MACROD2: variants seen among roughly 807,000 people sequenced by gnomAD.
MACROD2 encodes ADP-ribose glycohydrolase MACROD2.
In MACROD2, 36 loss-of-function variants were observed where a neutral mutation model predicts 70.4. The ratio of observed to expected loss-of-function variants is 0.51; its 90% CI spans 0.39 to 0.68. The LOEUF (loss-of-function observed/expected upper bound fraction) is 0.68. MACROD2 is among the 30% of genes least tolerant of loss of function. The probability of loss-of-function intolerance (pLI) is 0.00; values close to 1 mark genes in which losing one functional copy is unlikely to be tolerated. For synonymous variants in MACROD2, 172 were observed against 178.8 expected (o/e 0.96, Z 0.30); for missense variants, 496 against 538.4 (o/e 0.92, Z 0.78).
At chr20:15,245,896 C>G (rs906410888) in intron 6 of MACROD2, among the ~76,000 whole-genome samples, 2 of 152,114 alleles carry the variant, frequency 1.3e-5, no homozygotes, top group African/African-American at 4.8e-5. Context: ...TTTCTAACAG[C>G]CTATGTTGTG....
intron 5 of MACROD2, among the ~76,000 whole-genome samples, chr20:14,803,573 T>C (rs1054478267): frequency 1.3e-5 from 2 of 151,974 alleles, no homozygotes; most frequent in Non-Finnish European, 2.9e-5. Flanking sequence ...CTCTGCCTCC[T>C]GGGTTCAAGT....
intron 8 of MACROD2, among the ~76,000 whole-genome samples, chr20:15,539,910 C>T (rs901037593): frequency 1.3e-5 from 2 of 152,196 alleles, no homozygotes; most frequent in African/African-American, 4.8e-5. Flanking sequence ...ATGGCGTGAA[C>T]CCGGGAGGCG....
chr20:14,971,470 C>T (rs901602642), intron 5 of MACROD2, among the ~76,000 whole-genome samples: 13 of 152,020 alleles, frequency 8.6e-5, no homozygotes, highest in Admixed American at 3.9e-4. Flanking sequence ...CTCTGAATTA[C>T]TTATTCTCTC....
At chr20:14,532,711 T>C (rs1334565053) in intron 4 of MACROD2, among the ~76,000 whole-genome samples, 1 of 152,180 alleles carries the variant, frequency 6.6e-6, no homozygotes, top group Non-Finnish European at 1.5e-5. Flanking sequence ...TGTTCAAATA[T>C]ACGCTACTGG....
intron 3 of MACROD2, among the ~76,000 whole-genome samples, chr20:14,288,801 G>T (rs936074447): frequency 6.6e-6 from 1 of 152,188 alleles, no homozygotes; most frequent in Non-Finnish European, 1.5e-5. Context: ...CATGACATAT[G>T]CCAGTCTAAT....
At chr20:16,006,249 C>T (rs374735227) in intron 15 of MACROD2, among the ~76,000 whole-genome samples, 18 of 152,094 alleles carry the variant, frequency 1.2e-4, no homozygotes, top group African/African-American at 3.4e-4. Flanking sequence ...TACTCATCAT[C>T]GGGTCAGTTG....
chr20:15,113,450 T>C (rs2075970080), intron 5 of MACROD2, among the ~76,000 whole-genome samples: 1 of 152,204 alleles, frequency 6.6e-6, no homozygotes, highest in Non-Finnish European at 1.5e-5. Flanking sequence ...GTTTAACTTT[T>C]TCAGAACACT....
At chr20:14,715,665 G>A (rs2071389158) in intron 5 of MACROD2, among the ~76,000 whole-genome samples, 2 of 152,212 alleles carry the variant, frequency 1.3e-5, no homozygotes, top group South Asian at 4.1e-4. Context: ...GTTCAGACAT[G>A]GTCAAGCTCT....
intron 3 of MACROD2, among the ~76,000 whole-genome samples, chr20:14,238,750 C>A (rs566925923): frequency 6.6e-6 from 1 of 151,940 alleles, no homozygotes; most frequent in South Asian, 2.1e-4. Context: ...GCCTTCTGAC[C>A]AGGCCCAGTG....
At chr20:14,272,422 T>C (rs1308690022) in intron 3 of MACROD2, among the ~76,000 whole-genome samples, 2 of 151,594 alleles carry the variant, frequency 1.3e-5, no homozygotes, top group Non-Finnish European at 1.5e-5. Flanking sequence ...AGAAATAAAA[T>C]ACTTTACAGA....
intron 8 of MACROD2, among the ~76,000 whole-genome samples, chr20:15,501,039 T>C (rs369754266): frequency 2.1e-4 from 32 of 152,322 alleles, no homozygotes; most frequent in African/African-American, 7.7e-4. Flanking sequence ...TCATCTGCAT[T>C]TGCCTTCAAA....
At chr20:14,620,179 A>G (rs2049302573) in intron 4 of MACROD2, among the ~76,000 whole-genome samples, 2 of 151,808 alleles carry the variant, frequency 1.3e-5, no homozygotes, top group Non-Finnish European at 2.9e-5. Context: ...TTGGCCAGTG[A>G]AGTGTGCATA....
At chr20:14,659,748 A>T (rs1213961613) in intron 4 of MACROD2, among the ~76,000 whole-genome samples, 1 of 152,186 alleles carries the variant, frequency 6.6e-6, no homozygotes, top group African/African-American at 2.4e-5. Context: ...CATTTTTGAG[A>T]AATTTGCCTC....
chr20:15,234,666 A>G (rs1283687680), intron 6 of MACROD2, among the ~76,000 whole-genome samples: 3 of 152,176 alleles, frequency 2.0e-5, no homozygotes, highest in African/African-American at 7.2e-5. Flanking sequence ...AAAACTACAC[A>G]TATACATGAT....
At chr20:15,441,052 C>T (rs1391322262) in intron 7 of MACROD2, among the ~76,000 whole-genome samples, 2 of 152,136 alleles carry the variant, frequency 1.3e-5, no homozygotes, top group Admixed American at 6.5e-5. Context: ...TATCATAGCT[C>T]GTTTGAATAT....
chr20:14,185,644 C>T (rs2081338561), intron 3 of MACROD2, among the ~76,000 whole-genome samples: 1 of 151,870 alleles, frequency 6.6e-6, no homozygotes, highest in South Asian at 2.1e-4. Flanking sequence ...ATATAAAATG[C>T]AAAGGTCTGT....
chr20:15,326,876 C>A (rs1265641967), intron 6 of MACROD2, among the ~76,000 whole-genome samples: 2 of 152,082 alleles, frequency 1.3e-5, no homozygotes, highest in Non-Finnish European at 2.9e-5. Flanking sequence ...TGGTGGAGAG[C>A]AAATCAGAAA....
intron 8 of MACROD2, among the ~76,000 whole-genome samples, chr20:15,840,117 T>C (rs1276313135): frequency 6.6e-6 from 1 of 152,200 alleles, no homozygotes; most frequent in Non-Finnish European, 1.5e-5. Context: ...CACTGTGAAG[T>C]CAAACTGCTA....
intron 3 of MACROD2, among the ~76,000 whole-genome samples, chr20:14,218,184 T>C (rs1416461449): frequency 6.6e-6 from 1 of 152,206 alleles, no homozygotes; most frequent in Non-Finnish European, 1.5e-5. Flanking sequence ...TCTTATAAAT[T>C]TGGGAGCCCC....
Sources: gnomAD v4.1 joint callset for allele counts (sites outside exome capture counted in the v4.1 genomes callset) on GRCh38, gnomAD v4.1.1 for gene constraint, MANE v1.5 for transcripts, NCBI Gene and HGNC (gene_info 2026-07-23, HGNC 2026-07-21) for gene names.